The following CACNA1B variants were observed in gnomAD, a reference collection of about 807,000 sequenced individuals.
CACNA1B encodes voltage-dependent N-type calcium channel subunit alpha-1B.
CACNA1B carries 70 observed loss-of-function variants against 247.2 expected under a neutral mutation model. The observed-to-expected ratio is 0.28, with a 90% CI of 0.23 to 0.35. The LOEUF is 0.35. CACNA1B is among the 10% of genes least tolerant of loss of function. The probability of loss-of-function intolerance (pLI) is 1.00; values close to 1 mark genes in which losing one functional copy is unlikely to be tolerated. For missense variants in CACNA1B, 2,367 were observed against 3,197.4 expected (o/e 0.74, Z 6.26); for synonymous variants, 1,231 against 1,294.4 (o/e 0.95, Z 1.05).
At chr9:137,953,908 C>T (rs1957911436) in intron 7 of CACNA1B, among the ~76,000 whole-genome samples, 1 of 152,024 alleles carries the variant, frequency 6.6e-6, no homozygotes, top group African/African-American at 2.4e-5. Context: ...GTGCTGAGAA[C>T]GCTGCCTGGT....
rs758852787 is a variant in CACNA1B, at chr9:137,955,686, C to T, written c.1071-12C>T. 3 of 1,594,720 alleles carry T rather than the reference C, an allele frequency of 1.9e-6. No homozygotes were observed. The highest frequency in any genetic ancestry group is 1.7e-6 in the Non-Finnish European group (2 of 1,165,384). On this transcript the variant is annotated splice_polypyrimidine_tract_variant and intron_variant, in intron 7 of 46. Transcript: ENST00000371372. This position sits in a 1 kb window ranked among gnomAD's most constrained non-coding sequence, Gnocchi z 6.9. ...CTCACCTGATCTTGCTTTTCCGGCCCCTGCATGGTAGGGAGTTTGCCAAGG... is the reference window on the plus strand; with the variant it reads ...CTCACCTGATCTTGCTTTTCCGGCCTCTGCATGGTAGGGAGTTTGCCAAGG...
Position 137,971,942 on chromosome 9 carries a change from C to G in CACNA1B, c.1543+350C>G, listed in dbSNP as rs1304464781. 6.6e-6 allele frequency among the ~76,000 whole-genome samples: 1 copy of G among 152,098 alleles called. No homozygotes were observed. The highest frequency in any genetic ancestry group is 1.9e-4 in the East Asian group (1 of 5,182). On this transcript the variant is annotated intron_variant, in intron 11 of 46. Coordinates refer to ENST00000371372, the MANE Select transcript of CACNA1B (RefSeq NM_000718.4). This position sits in a 1 kb window ranked among gnomAD's most constrained non-coding sequence, Gnocchi z 4.4. ...CAGGCCAGGCAGATGGGTGTCCTCC[C>G]CTGAGAGGGCTTCAGACCCACAGAC...
At chr9:138,117,292 G>C (rs112953710) in intron 42 of CACNA1B, among the ~76,000 whole-genome samples, 13 of 151,926 alleles carry the variant, frequency 8.6e-5, no homozygotes, top group East Asian at 1.9e-4. Flanking sequence ...CTTGGGGGGG[G>C]GGTCAGAGAA....
At position 137,934,196 on chromosome 9, in the gene CACNA1B, G is replaced by C. The variant is rs548249576; in HGVS notation, c.966+16765G>C. Among the ~76,000 whole-genome samples the C allele has an allele frequency of 3.9e-5, 6 of 152,342 alleles. No individual in the cohort carries two copies. In the East Asian group the frequency reaches 9.6e-4, roughly 24 times the overall value. On this transcript the variant is annotated intron_variant, in intron 6 of 46. Coordinates refer to ENST00000371372, the MANE Select transcript of CACNA1B (RefSeq NM_000718.4). ...CTGTTCCCACAGGTTCACAGGTGTA[G>C]TGGCTGATAGGAGCTTCAGGTTCCA... is the stretch of plus-strand genomic sequence containing the variant.
rs1032356447 is a variant in CACNA1B, at chr9:137,914,343, C to T, written c.623-311C>T. On this transcript the variant is annotated intron_variant, in intron 4 of 46. Transcript: ENST00000371372. The surrounding 1 kb of genome is among the most constrained non-coding windows in gnomAD (Gnocchi z 4.3). Reference sequence around the variant, plus strand: ...CTCTGTTGCCCCACCCTGAGCCCCACTCCCCACCCCAGACTTCATACCCTG... The same window carrying T: ...CTCTGTTGCCCCACCCTGAGCCCCATTCCCCACCCCAGACTTCATACCCTG... Among the ~76,000 whole-genome samples the T allele has an allele frequency of 2.0e-5, 3 of 151,964 alleles. No individual in the cohort carries two copies. Among genetic ancestry groups the T allele is most frequent in the African/African-American group, 7.3e-5 (3 of 41,326 alleles).
intron 3 of CACNA1B, among the ~76,000 whole-genome samples, chr9:137,893,946 C>T (rs1588987380): frequency 6.6e-6 from 1 of 152,244 alleles, no homozygotes; most frequent in East Asian, 1.9e-4. Context: ...CTTCCCTTTA[C>T]TCGCTGGCAA....
rs1962163847 is a variant in CACNA1B, at chr9:138,123,336, C to G, written c.*1337C>G. The G allele has an allele frequency of 6.6e-6, 1 of 152,330 alleles. No homozygotes were observed. Among genetic ancestry groups the G allele is most frequent in the African/African-American group, 2.4e-5 (1 of 41,448 alleles). The allele number at this position is 152,330 out of a possible 1,614,324, so 9.4% of individuals were successfully genotyped here. The stretch of plus-strand genomic sequence containing the variant: ...CCTGGCGCCAGACACAGGGAGCAGG[C>G]AGTCAAGTGAGGTCTGACCCCCATG... On this transcript the variant is annotated 3_prime_UTR_variant, in exon 47 of 47. Transcript: ENST00000371372.
chr9:138,044,929 C>T (rs528101948), intron 21 of CACNA1B, among the ~76,000 whole-genome samples: 1 of 152,170 alleles, frequency 6.6e-6, no homozygotes, highest in Non-Finnish European at 1.5e-5. Context: ...AGACGTGGAC[C>T]CTGCCATGTC....
chr9:138,087,349 C>T (rs547309945), intron 36 of CACNA1B, among the ~76,000 whole-genome samples: 1 of 130,652 alleles, frequency 7.7e-6, no homozygotes, highest in African/African-American at 3.1e-5. Context: ...TGCACCACTG[C>T]ACTCCAGTCT....
rs1316204140 is a variant in CACNA1B at position 138,054,169 on chromosome 9, G to A, written c.3968+163G>A. ...GCCGAGGAGGGGCTTGCTTGAGAAG[G>A]GCTAGAGTCACCACAGAAGACAGGA... On this transcript the variant is annotated intron_variant, in intron 26 of 46. Transcript: ENST00000371372. This position sits in a 1 kb window ranked among gnomAD's most constrained non-coding sequence, Gnocchi z 4.6. Among the ~76,000 whole-genome samples the A allele has an allele frequency of 4.6e-5, 7 of 152,106 alleles. No homozygotes were observed. Among genetic ancestry groups the A allele is most frequent in the Non-Finnish European group, 7.4e-5 (5 of 67,990 alleles).
At chr9:138,078,054 A>C in intron 35 of CACNA1B, 60 bp from the exon 36 acceptor site, 1 of 1,548,288 alleles carries the variant, frequency 6.5e-7, no homozygotes, top group Non-Finnish European at 8.8e-7. Flanking sequence ...TGGTAGCCCC[A>C]CAGGGCTCGG....
chr9:138,030,013 G>A (rs7019274), intron 20 of CACNA1B, among the ~76,000 whole-genome samples: 23,405 of 152,128 alleles, frequency 0.15, 5,057 homozygotes, highest in African/African-American at 0.48. Flanking sequence ...AGAGTATAAG[G>A]CATCTGCAAA....
chr9:138,118,002 A>G lies in CACNA1B; in HGVS notation c.5834A>G (p.Gln1945Arg). Residue 1945 changes from glutamine (Q) to arginine (R), a missense_variant, in exon 43 of 47, where the codon CAG becomes CGG. Physicochemically the swap from Gln to Arg is conservative, Grantham distance 43. Around this residue, in one of 12 missense-constraint regions of CACNA1B, gnomAD observed 773 missense variants for 779.4 expected, o/e 0.99. Coordinates refer to ENST00000371372, the MANE Select transcript of CACNA1B (RefSeq NM_000718.4). ...GTCTCCTGGGGCACTCAAAGGACCC[A>G]GGATGCACCCCATGAGGCCAGGCCA... Reference protein sequence around the residue: ...ESVSWGTQRTQDAPHEARPPL... With the variant: ...ESVSWGTQRTRDAPHEARPPL... 6.2e-7 allele frequency: 1 copy of G among 1,601,510 alleles called. No homozygotes were observed. Among genetic ancestry groups the G allele is most frequent in the Non-Finnish European group, 8.5e-7 (1 of 1,173,592 alleles).
intron 6 of CACNA1B, among the ~76,000 whole-genome samples, chr9:137,918,826 G>T (rs902911390): frequency 6.6e-6 from 1 of 152,222 alleles, no homozygotes; most frequent in African/African-American, 2.4e-5. Context: ...CCAGCACAGG[G>T]TCCATGTGAA....
At position 138,085,373 on chromosome 9, in the gene CACNA1B, G is replaced by C. The variant is rs111680243; in HGVS notation, c.5094+7115G>C. On this transcript the variant is annotated intron_variant, in intron 36 of 46. Coordinates refer to ENST00000371372, the MANE Select transcript of CACNA1B (RefSeq NM_000718.4). ...AAATAATTAAAAAGAGTGAAGAAAA[G>C]CCTTCAAGAATTATGGAGCATGATT... Among the ~76,000 whole-genome samples the C allele has an allele frequency of 6.3e-3, 951 of 151,204 alleles. 50 individuals are homozygous for C. The South Asian group carries it at 0.083, about 13-fold the overall frequency.
At position 138,123,086 on chromosome 9, in the gene CACNA1B, G is replaced by C. The variant is rs202108780; in HGVS notation, c.*1087G>C. 2.6e-5 allele frequency: 4 copies of C among 152,278 alleles called. No homozygotes were observed. Among genetic ancestry groups the C allele is most frequent in the African/African-American group, 9.6e-5 (4 of 41,464 alleles). The allele number at this position is 152,278 out of a possible 1,614,324, so 9.4% of individuals were successfully genotyped here. ...GGCATTTTCAGTCTGTTCTGCATAT[G>C]ATTCTCAGGGCACACTCTGTGGTAT... is the stretch of plus-strand genomic sequence containing the variant. On this transcript the variant is annotated 3_prime_UTR_variant, in exon 47 of 47. Coordinates refer to ENST00000371372, the MANE Select transcript of CACNA1B (RefSeq NM_000718.4).
At chr9:138,064,382 C>T (rs1387792842) in intron 31 of CACNA1B, among the ~76,000 whole-genome samples, 1 of 152,204 alleles carries the variant, frequency 6.6e-6, no homozygotes, top group African/African-American at 2.4e-5. Context: ...CCAGTCTCTC[C>T]TCTAAGCTGT....
chr9:137,975,018 C>G (rs1159634942), intron 11 of CACNA1B, among the ~76,000 whole-genome samples: 1 of 152,206 alleles, frequency 6.6e-6, no homozygotes, highest in African/African-American at 2.4e-5. Context: ...AGCGGCTGGG[C>G]CTCGCTGGGC....
At chr9:138,105,617 C>T (rs1289742774) in intron 38 of CACNA1B, 82 bp from the exon 39 acceptor site, 1 of 764,160 alleles carries the variant, frequency 1.3e-6, no homozygotes, top group African/African-American at 1.7e-5. Context: ...AGCCCAGCAT[C>T]CAGGGACCCC....
Sources: gnomAD v4.1 joint callset for allele counts (sites outside exome capture counted in the v4.1 genomes callset) on GRCh38, gnomAD v4.1.1 for gene constraint, gnomAD v4.1.1 regional missense constraint, Gnocchi (gnomAD v3.1) non-coding constraint, MANE v1.5 for transcripts, NCBI Gene and HGNC (gene_info 2026-07-23, HGNC 2026-07-21) for gene names.